Variants in PDE7A observed in about 807,000 individuals in gnomAD.
PDE7A encodes the protein high affinity 3',5'-cyclic-AMP phosphodiesterase 7A.
In PDE7A, 39 loss-of-function variants were observed where a neutral mutation model predicts 64.3. The observed-to-expected ratio is 0.61, with a 90% CI of 0.47 to 0.79. PDE7A has a LOEUF of 0.79. PDE7A is among the 30% of genes least tolerant of loss of function. The pLI, the probability that PDE7A is intolerant of heterozygous loss-of-function variation, is 0.00. For missense variants in PDE7A, 470 were observed against 582.8 expected (o/e 0.81, Z 1.99); for synonymous variants, 203 against 206.8 (o/e 0.98, Z 0.16).
At chr8:65,765,676 G>T (rs189693681) in intron 3 of PDE7A, 1 of 152,108 alleles carries the variant, frequency 6.6e-6, no homozygotes, top group African/African-American at 2.4e-5. Flanking sequence ...AGAGAGACCA[G>T]GCCCTCCAGT....
At chr8:65,731,118 G>A (rs150395570) in intron 7 of PDE7A, among the ~76,000 whole-genome samples, 42 of 152,296 alleles carry the variant, frequency 2.8e-4, no homozygotes, top group African/African-American at 9.6e-4. Flanking sequence ...CTGGAGGCCT[G>A]ACATTCCTGT....
At chr8:65,753,626 G>C (rs1347486504) in intron 3 of PDE7A, among the ~76,000 whole-genome samples, 2 of 151,952 alleles carry the variant, frequency 1.3e-5, no homozygotes, top group Non-Finnish European at 2.9e-5. Context: ...TGAGTACTCT[G>C]TGTCTGTTAC....
chr8:65,770,627 A>T (rs1007625700), intron 3 of PDE7A, among the ~76,000 whole-genome samples: 2 of 152,192 alleles, frequency 1.3e-5, no homozygotes, highest in African/African-American at 4.8e-5. Flanking sequence ...CCATAACTTA[A>T]TACATGTTCC....
intron 1 of PDE7A, among the ~76,000 whole-genome samples, chr8:65,803,385 G>A (rs963388449): frequency 6.6e-6 from 1 of 152,148 alleles, no homozygotes; most frequent in Admixed American, 6.5e-5. Context: ...TTTGACCATA[G>A]TGCTCCCCTT....
chr8:65,788,265 G>C (rs1043364670), intron 1 of PDE7A, among the ~76,000 whole-genome samples: 3 of 152,040 alleles, frequency 2.0e-5, no homozygotes, highest in Admixed American at 2.0e-4. Flanking sequence ...TTTTACTTTA[G>C]TTTTAGACCC....
At chr8:65,777,569 T>C (rs924657476) in intron 3 of PDE7A, among the ~76,000 whole-genome samples, 15 of 152,228 alleles carry the variant, frequency 9.9e-5, no homozygotes, top group African/African-American at 3.6e-4. Flanking sequence ...TTTTTTGTTC[T>C]TTCCACAACC....
At chr8:65,831,573 G>A (rs935064599) in intron 1 of PDE7A, among the ~76,000 whole-genome samples, 1 of 151,314 alleles carries the variant, frequency 6.6e-6, no homozygotes, top group East Asian at 1.9e-4. Context: ...TACCTCCCAG[G>A]ATCTCTCATG....
chr8:65,782,297 T>C (rs1203106368), intron 2 of PDE7A, among the ~76,000 whole-genome samples: 1 of 152,238 alleles, frequency 6.6e-6, no homozygotes, highest in Admixed American at 6.5e-5. Context: ...CGCACATATC[T>C]AAATTCATTT....
intron 1 of PDE7A, among the ~76,000 whole-genome samples, chr8:65,787,507 T>C (rs1302277794): frequency 6.6e-6 from 1 of 152,210 alleles, no homozygotes; most frequent in Non-Finnish European, 1.5e-5. Context: ...TGCTTGTACT[T>C]GAGTGCCTAA....
chr8:65,732,517 C>G (rs2128896175), intron 7 of PDE7A, among the ~76,000 whole-genome samples: 2 of 152,214 alleles, frequency 1.3e-5, no homozygotes, highest in South Asian at 4.1e-4. Context: ...AATCTTCAGG[C>G]ATCTATCTAA....
chr8:65,778,639 C>T (rs1344773664), intron 3 of PDE7A, among the ~76,000 whole-genome samples: 1 of 152,174 alleles, frequency 6.6e-6, no homozygotes, highest in Non-Finnish European at 1.5e-5. Flanking sequence ...GGTAATCCTC[C>T]TCCGAGGCCC....
chr8:65,724,773 T>A lies in PDE7A; in HGVS notation c.1065+4A>T. ...AAATAGAATGTTTCCAAGCCCCATTTTACCTGTAAAACCAAATGTCTGTGT... is the reference window on the plus strand; with the variant it reads ...AAATAGAATGTTTCCAAGCCCCATTATACCTGTAAAACCAAATGTCTGTGT... On this transcript the variant is annotated splice_donor_region_variant and intron_variant, in intron 10 of 12. Coordinates refer to ENST00000401827, the MANE Select transcript of PDE7A (RefSeq NM_001242318.3). 6.2e-7 allele frequency: 1 copy of A among 1,601,190 alleles called. No individual in the cohort carries two copies. The highest frequency in any genetic ancestry group is 8.5e-7 in the Non-Finnish European group (1 of 1,174,318).
At chr8:65,731,117 T>C (rs947385941) in intron 7 of PDE7A, among the ~76,000 whole-genome samples, 1 of 152,218 alleles carries the variant, frequency 6.6e-6, no homozygotes, top group African/African-American at 2.4e-5. Context: ...CCTGGAGGCC[T>C]GACATTCCTG....
At chr8:65,832,340 G>A (rs1810847951) in intron 1 of PDE7A, among the ~76,000 whole-genome samples, 1 of 151,848 alleles carries the variant, frequency 6.6e-6, no homozygotes, top group African/African-American at 2.4e-5. Context: ...TGTAAATTAT[G>A]TTTTCAATTT....
chr8:65,841,261 C>T, intron 1 of PDE7A, 110 bp downstream of exon 1: 1 of 1,236,526 alleles, frequency 8.1e-7, no homozygotes, highest in Admixed American at 4.0e-5. Context: ...TAGAAATCCC[C>T]AGACAATGGA....
chr8:65,757,712 G>A (rs570690035), intron 3 of PDE7A, among the ~76,000 whole-genome samples: 73 of 152,226 alleles, frequency 4.8e-4, no homozygotes, highest in African/African-American at 1.7e-3. Context: ...TCTGCTTCCC[G>A]GGTCCAAGTG....
intron 3 of PDE7A, among the ~76,000 whole-genome samples, chr8:65,748,200 C>T (rs1194346188): frequency 1.3e-5 from 2 of 151,820 alleles, no homozygotes; most frequent in African/African-American, 4.8e-5. Context: ...TTTCAAACTA[C>T]TAGAAAAGCC....
rs1365252348 is a variant in PDE7A at position 65,719,352 on chromosome 8, C to T, written c.1387G>A (p.Asp463Asn). 4.3e-6 allele frequency: 7 copies of T among 1,614,094 alleles called. No individual in the cohort carries two copies. In the Admixed American group the frequency reaches 8.3e-5, roughly 19 times the overall value. Residue 463 changes from aspartate to asparagine, a missense_variant, in exon 13 of 13, where the codon GAC becomes AAC. Transcript: ENST00000401827. ...GLQREQSSSE[D>N]TDAAFELNSQ... ...TTCAACTCAAATGCAGCATCAGTGT[C>T]CTCACTGCTCGACTGTTCTCTCTGC...
intron 1 of PDE7A, among the ~76,000 whole-genome samples, chr8:65,837,193 T>C (rs1307558047): frequency 1.3e-5 from 2 of 152,224 alleles, no homozygotes; most frequent in Non-Finnish European, 2.9e-5. Flanking sequence ...CCTGGATAAT[T>C]TGTCATATAC....
Sources: gnomAD v4.1 joint callset for allele counts (sites outside exome capture counted in the v4.1 genomes callset) on GRCh38, gnomAD v4.1.1 for gene constraint, MANE v1.5 for transcripts, NCBI Gene and HGNC (gene_info 2026-07-23, HGNC 2026-07-21) for gene names.